BBS12: variants seen among roughly 807,000 people sequenced by gnomAD.
BBS12 encodes the protein chaperonin-containing T-complex member BBS12.
Under a neutral mutation model 5.6 loss-of-function variants are expected in BBS12, and 5 were observed. That is an observed-to-expected ratio of 0.89 (90% CI 0.46 to 1.86). The LOEUF (loss-of-function observed/expected upper bound fraction) is 1.86. Ranked by LOEUF, BBS12 falls within the 40% of genes most tolerant of loss-of-function variation. BBS12 has a pLI of 0.01. For synonymous variants in BBS12, 308 were observed against 306.8 expected, an observed-to-expected ratio of 1.00 and a Z score of -0.04; for missense variants, 748 against 830.4, an observed-to-expected ratio of 0.90 and a Z score of 1.22.
chr4:122,702,626 C>G, the BBS12 span, among the ~76,000 whole-genome samples: 2 of 152,170 alleles, frequency 1.3e-5, no homozygotes, highest in Non-Finnish European at 2.9e-5. Flanking sequence ...AATAGAAGGC[C>G]AAGCCTGGCA....
intron 1 of BBS12, among the ~76,000 whole-genome samples, chr4:122,737,060 A>C (rs1385422445): frequency 6.6e-6 from 1 of 152,208 alleles, no homozygotes; most frequent in Non-Finnish European, 1.5e-5. Context: ...TTTTTCACAT[A>C]AATTAAATAC....
In BBS12 at chr4:122,743,507, G is replaced by T. The variant is rs752062702; in HGVS notation, c.1615G>T (p.Gly539Cys). Residue 539 changes from glycine to cysteine, a missense_variant, in exon 2 of 2, where the codon GGT (glycine) becomes TGT (cysteine). Gly to Cys is a radical substitution (Grantham distance 159, BLOSUM62 -3). Transcript: ENST00000314218. ...AAAAGAGGAAAAGGTCTTCCTTGGAGGTGGTGCAGTTGAATTTTTGTGTCT... is the reference window on the plus strand; with the variant it reads ...AAAAGAGGAAAAGGTCTTCCTTGGATGTGGTGCAGTTGAATTTTTGTGTCT... ...ALKEEKVFLG[G>C]GAVEFLCLSC... The T allele has an allele frequency of 2.5e-6, 4 of 1,614,110 alleles. No homozygotes were observed. Among genetic ancestry groups the T allele is most frequent in the East Asian group, 4.5e-5 (2 of 44,904 alleles).
chr4:122,725,631 G>C, the BBS12 span, among the ~76,000 whole-genome samples: 1 of 152,162 alleles, frequency 6.6e-6, no homozygotes, highest in Admixed American at 6.5e-5. Context: ...ATGTGCAGTG[G>C]CTCTTGCCTG....
In BBS12 at chr4:122,742,966, C is replaced by T. The variant is rs1162225747; in HGVS notation, c.1074C>T (p.Leu358=). ...ELQNQPVRIV[L]IEGDLTENYR... ...AGAATCAGCCTGTGCGAATAGTTCT[C>T]ATTGAGGGTGACCTCACAGAGAATT... Residue 358 remains leucine (L), a synonymous_variant, in exon 2 of 2, where the codon CTC becomes CTT. Transcript: ENST00000314218. 2.5e-6 allele frequency: 4 copies of T among 1,614,198 alleles called. No homozygotes were observed. Among genetic ancestry groups the T allele is most frequent in the East Asian group, 4.5e-5 (2 of 44,892 alleles).
At chr4:122,724,667 C>A in the BBS12 span, among the ~76,000 whole-genome samples, 3 of 152,168 alleles carry the variant, frequency 2.0e-5, no homozygotes, top group Non-Finnish European at 4.4e-5. Flanking sequence ...TCCAACTTAT[C>A]TACCATAAAA....
chr4:122,704,715 A>G, the BBS12 span, among the ~76,000 whole-genome samples: 1 of 152,176 alleles, frequency 6.6e-6, no homozygotes, highest in Non-Finnish European at 1.5e-5. Flanking sequence ...TCAGTTACAA[A>G]GAGCTTGCCC....
At chr4:122,719,549 A>G in the BBS12 span, among the ~76,000 whole-genome samples, 1 of 151,994 alleles carries the variant, frequency 6.6e-6, no homozygotes, top group African/African-American at 2.4e-5. Flanking sequence ...TGAACCCACC[A>G]GGAGGAACAA....
At chr4:122,700,455 G>A in the BBS12 span, among the ~76,000 whole-genome samples, 5 of 152,166 alleles carry the variant, frequency 3.3e-5, no homozygotes, top group South Asian at 4.1e-4. Flanking sequence ...CCTTTCCTGC[G>A]TTGCAAGTAA....
the BBS12 span, among the ~76,000 whole-genome samples, chr4:122,716,871 T>C: frequency 6.6e-6 from 1 of 152,134 alleles, no homozygotes; most frequent in Non-Finnish European, 1.5e-5. Flanking sequence ...GAAGAATATA[T>C]AATTTCTTTA....
At position 122,743,947 on chromosome 4, in the gene BBS12, G is replaced by C; in HGVS notation, c.2055G>C (p.Gln685His). The part of the protein sequence containing the change: ...RALDLVLLVL[Q>H]TDSEIITGHG... ...TGGATTTAGTATTGTTAGTACTTCAGACAGACAGTGAAATAATTACTGGAC... is the reference window on the plus strand; with the variant it reads ...TGGATTTAGTATTGTTAGTACTTCACACAGACAGTGAAATAATTACTGGAC... The change falls in exon 2 of 2, where the codon CAG (glutamine) becomes CAC (histidine). Residue 685 changes from glutamine (Q) to histidine (H), a missense_variant. Coordinates refer to ENST00000314218, the MANE Select transcript of BBS12 (RefSeq NM_152618.3). 6.2e-7 allele frequency: 1 copy of C among 1,612,882 alleles called. No individual in the cohort carries two copies. The highest frequency in any genetic ancestry group is 8.5e-7 in the Non-Finnish European group (1 of 1,179,676).
At chr4:122,732,692 C>T (rs28642232), upstream of BBS12, 9,474 of 152,638 alleles carry the variant, frequency 0.062, 999 homozygotes, top group African/African-American at 0.21. Context: ...GAACTTCTCT[C>T]TCCAGCTGTG....
chr4:122,742,930 C>A lies in BBS12; in HGVS notation c.1038C>A (p.Ile346=). ...TVVSVSNNPV[I]KELQNQPVRI... Reference sequence around the variant, plus strand: ...TGTCAGTATCTAATAATCCTGTGATCAAGGAATTGCAGAATCAGCCTGTGC... The same window carrying A: ...TGTCAGTATCTAATAATCCTGTGATAAAGGAATTGCAGAATCAGCCTGTGC... The change falls in exon 2 of 2, where the codon ATC becomes ATA. Residue 346 remains isoleucine (I), a synonymous_variant. Coordinates refer to ENST00000314218, the MANE Select transcript of BBS12 (RefSeq NM_152618.3). 1 of 1,614,180 alleles carries A rather than the reference C, an allele frequency of 6.2e-7. No homozygotes were observed. The highest frequency in any genetic ancestry group is 8.5e-7 in the Non-Finnish European group (1 of 1,180,040).
chr4:122,719,151 G>A, the BBS12 span, among the ~76,000 whole-genome samples: 5 of 152,174 alleles, frequency 3.3e-5, no homozygotes, highest in Admixed American at 1.3e-4. Flanking sequence ...AGACTGAGAG[G>A]TGAAGCCGGC....
At chr4:122,714,348 G>T in the BBS12 span, among the ~76,000 whole-genome samples, 1 of 152,122 alleles carries the variant, frequency 6.6e-6, no homozygotes, top group Non-Finnish European at 1.5e-5. Context: ...TCAGTCTACG[G>T]TATTTGTATT....
At chr4:122,733,010 C>T (rs1800723646) in intron 1 of BBS12, 126 bp downstream of exon 1, 1 of 152,356 alleles carries the variant, frequency 6.6e-6, no homozygotes, top group African/African-American at 2.4e-5. Context: ...GCCTGGAGGT[C>T]CTGGGGTGAA....
At chr4:122,738,295 C>T (rs573466522) in intron 1 of BBS12, among the ~76,000 whole-genome samples, 3 of 152,192 alleles carry the variant, frequency 2.0e-5, no homozygotes, top group South Asian at 2.1e-4. Flanking sequence ...ACTGCAGGCT[C>T]CACCTCCCGG....
the BBS12 span, among the ~76,000 whole-genome samples, chr4:122,718,162 A>G: frequency 4.6e-5 from 7 of 152,218 alleles, no homozygotes; most frequent in Admixed American, 4.6e-4. Context: ...CTGTTACTTG[A>G]TATTACTACT....
chr4:122,716,859 T>G, the BBS12 span, among the ~76,000 whole-genome samples: 10 of 152,078 alleles, frequency 6.6e-5, no homozygotes, highest in Admixed American at 3.9e-4. Context: ...AGAAAATAAG[T>G]TGAAGAATAT....
the BBS12 span, among the ~76,000 whole-genome samples, chr4:122,715,858 T>A: frequency 6.6e-6 from 1 of 152,232 alleles, no homozygotes; most frequent in Non-Finnish European, 1.5e-5. Context: ...GTCAAATTTT[T>A]TATATACAGT....
Sources: gnomAD v4.1 joint callset for allele counts (sites outside exome capture counted in the v4.1 genomes callset) on GRCh38, gnomAD v4.1.1 for gene constraint, MANE v1.5 for transcripts, NCBI Gene and HGNC (gene_info 2026-07-23, HGNC 2026-07-21) for gene names.